JADE2: variants seen among roughly 807,000 people sequenced by gnomAD.
JADE2 encodes jade family PHD finger 2.
Under a neutral mutation model 85.7 loss-of-function variants are expected in JADE2, and 13 were observed. The observed-to-expected ratio is 0.15, with a 90% confidence interval of 0.10 to 0.24. JADE2 has a LOEUF of 0.24. Ranked by LOEUF, JADE2 falls within the 10% of genes least tolerant of loss-of-function variation. JADE2 has a pLI of 1.00. For missense variants in JADE2, 846 were observed against 1,115.9 expected (o/e 0.76, Z 3.45); for synonymous variants, 440 against 456.1 (o/e 0.96, Z 0.45).
intron 9 of JADE2, among the ~76,000 whole-genome samples, chr5:134,573,330 A>AG (rs2150014539): frequency 6.6e-6 from 1 of 152,262 alleles, no homozygotes; most frequent in South Asian, 2.1e-4. Context: ...CTTACCAGGA[A>AG]GGTAAGACTC....
chr5:134,524,237 G>A (rs912193053), upstream of JADE2: 2 of 152,376 alleles, frequency 1.3e-5, no homozygotes, highest in African/African-American at 2.4e-5. Flanking sequence ...CAGGAGGCCA[G>A]TCCTTCTCCT....
chr5:134,567,895 C>G (rs1763747593), intron 9 of JADE2, among the ~76,000 whole-genome samples: 1 of 152,196 alleles, frequency 6.6e-6, no homozygotes, highest in South Asian at 2.1e-4. Context: ...GGACAGAGGG[C>G]AAGGCTACCT....
At chr5:134,548,570 T>C (rs1243731339) in intron 3 of JADE2, among the ~76,000 whole-genome samples, 1 of 152,208 alleles carries the variant, frequency 6.6e-6, no homozygotes, top group East Asian at 1.9e-4. Flanking sequence ...GAGCCCGTAG[T>C]GTCCAGTCTG....
At chr5:134,526,963 C>A (rs1386283167) in intron 1 of JADE2, among the ~76,000 whole-genome samples, 1 of 152,176 alleles carries the variant, frequency 6.6e-6, no homozygotes, top group Non-Finnish European at 1.5e-5. Flanking sequence ...CCAACTCTGC[C>A]GGTTCGCGTC....
intron 1 of JADE2, among the ~76,000 whole-genome samples, chr5:134,535,634 G>A (rs1317983078): frequency 2.0e-5 from 3 of 152,072 alleles, no homozygotes; most frequent in Admixed American, 2.0e-4. Context: ...TCAACCAAGG[G>A]CTCTGGGCTC....
intron 3 of JADE2, among the ~76,000 whole-genome samples, chr5:134,546,724 C>T (rs1184059209): frequency 2.0e-5 from 3 of 151,578 alleles, no homozygotes; most frequent in African/African-American, 7.3e-5. Flanking sequence ...GCCGAGATCA[C>T]ACCACTGCAC....
In JADE2 at chr5:134,541,734, C is replaced by A. The variant is rs1006189500; in HGVS notation, c.153+3651C>A. On this transcript the variant is annotated intron_variant, in intron 3 of 11. Transcript: ENST00000681547. The stretch of plus-strand genomic sequence containing the variant: ...GGGGTGGGGGACACAGTGAATCCAA[C>A]AGCTATGAAAGGGCTGGGGTTGGGT... Among the ~76,000 whole-genome samples the A allele has an allele frequency of 5.9e-5, 9 of 151,462 alleles. No individual in the cohort carries two copies. In the South Asian group the frequency reaches 1.9e-3, roughly 32 times the overall value.
rs1163893894 is a variant in JADE2 at position 134,557,228 on chromosome 5, AT to A, written c.312-2594del. 7.9e-4 allele frequency among the ~76,000 whole-genome samples: 109 copies of A among 138,238 alleles called. 1 individual carries two copies. The highest frequency in any genetic ancestry group is 2.3e-3 in the South Asian group (10 of 4,278). The allele number at this position is 138,238 out of a possible 152,430, so 90.7% of individuals were successfully genotyped here. A position where few individuals can be genotyped will look rare whatever the true frequency, so the allele number is the denominator to read the frequency against. ...TATGATGATGATGATGATGATTATT[AT>A]TTTTTTTGTTGTTGTTGTTTTCAAG... On this transcript the variant is annotated intron_variant, in intron 4 of 11. Transcript: ENST00000681547.
intron 2 of JADE2, 91 bp downstream of exon 2, chr5:134,536,006 C>G (rs569707127): frequency 9.7e-7 from 1 of 1,032,996 alleles, no homozygotes; most frequent in South Asian, 1.3e-5. Context: ...GCCCTGTGGT[C>G]TTAATTTCAC....
chr5:134,533,652 T>C, intron 1 of JADE2: 1 of 863,236 alleles, frequency 1.2e-6, no homozygotes, highest in Non-Finnish European at 1.4e-6. Flanking sequence ...AAAGCTGGGT[T>C]GCGCTGGGCT....
intron 5 of JADE2, 142 bp downstream of exon 5, chr5:134,560,132 G>A (rs1345548706): frequency 8.7e-6 from 8 of 924,768 alleles, no homozygotes; most frequent in African/African-American, 6.7e-5. Context: ...ACTGAATGGG[G>A]ACCTCACTGG....
chr5:134,567,141 A>T (rs1581467909), intron 9 of JADE2, among the ~76,000 whole-genome samples: 2 of 152,232 alleles, frequency 1.3e-5, no homozygotes, highest in Non-Finnish European at 2.9e-5. Flanking sequence ...GAACAGAGGC[A>T]CGAAGGAGAC....
Position 134,553,672 on chromosome 5 carries a change from C to G in JADE2, c.311+1463C>G, listed in dbSNP as rs888063643. Among the ~76,000 whole-genome samples, 5 of 152,322 alleles carry G rather than the reference C, an allele frequency of 3.3e-5. No homozygotes were observed. The South Asian group carries it at 1.0e-3, about 32-fold the overall frequency. On this transcript the variant is annotated intron_variant, in intron 4 of 11. Coordinates refer to ENST00000681547, the MANE Select transcript of JADE2 (RefSeq NM_001388185.1). ...CGGCCGTAAGCCATGCTTTTGACAT[C>G]TTGAACCTTTTACGGGAGTTCTTAG...
rs774710388 is a variant in JADE2 at position 134,566,184 on chromosome 5, G to A, written c.1038G>A (p.Arg346=). 1 of 1,614,060 alleles carries A rather than the reference G, an allele frequency of 6.2e-7. No individual in the cohort carries two copies. The highest frequency in any genetic ancestry group is 8.5e-7 in the Non-Finnish European group (1 of 1,180,028). The change falls in exon 9 of 12, where the codon CGG becomes CGA. Residue 346 remains arginine (R), a synonymous_variant. Coordinates refer to ENST00000681547, the MANE Select transcript of JADE2 (RefSeq NM_001388185.1). The surrounding 1 kb of genome is among the most constrained non-coding windows in gnomAD (Gnocchi z 6.7). ...TCAFDHGLEM[R]TILADNDEVK... The stretch of plus-strand genomic sequence containing the variant: ...CCTTTGACCACGGCCTGGAAATGCG[G>A]ACTATATTAGCAGACAACGATGAGG...
At position 134,562,337 on chromosome 5, in the gene JADE2, G is replaced by C; in HGVS notation, c.822G>C (p.Val274=). ...CCACTAGAAGTGGGACCAAGTGGGT[G>C]CATGTCAGCTGTGCCCTATGGATTC... ...LKPTRSGTKW[V]HVSCALWIPE... Residue 274 remains valine, a synonymous_variant, in exon 7 of 12, where the codon GTG becomes GTC. Transcript: ENST00000681547. The surrounding 1 kb of genome is among the most constrained non-coding windows in gnomAD (Gnocchi z 4.6). The C allele has an allele frequency of 1.2e-6, 2 of 1,613,880 alleles. No homozygotes were observed. The highest frequency in any genetic ancestry group is 8.5e-7 in the Non-Finnish European group (1 of 1,179,806).
At chr5:134,571,844 C>G (rs1328044504) in intron 9 of JADE2, among the ~76,000 whole-genome samples, 1 of 152,380 alleles carries the variant, frequency 6.6e-6, no homozygotes, top group East Asian at 1.9e-4. Flanking sequence ...CTCCCCCAGC[C>G]TGGCCTGGCT....
intron 1 of JADE2, among the ~76,000 whole-genome samples, chr5:134,527,106 T>G (rs943424885): frequency 6.6e-6 from 1 of 152,116 alleles, no homozygotes; most frequent in Non-Finnish European, 1.5e-5. Context: ...TGAGTGACAT[T>G]GCAGCCCCCG....
Position 134,560,763 on chromosome 5 carries a change from G to A in JADE2, c.490G>A (p.Glu164Lys). Residue 164 changes from glutamate (E) to lysine (K), a missense_variant, in exon 6 of 12, where the codon GAG (glutamate) becomes AAG (lysine). Glu to Lys is a moderately conservative substitution (Grantham distance 56). Around this residue, in one of 9 missense-constraint regions of JADE2, gnomAD observed 129 missense variants for 255.4 expected, o/e 0.51. Transcript: ENST00000681547. ...CCTCACAGAGAGGCCGGAGCTGGACGAGCTGACATTAGAGCGTGTGCTGGA... is the reference window on the plus strand; with the variant it reads ...CCTCACAGAGAGGCCGGAGCTGGACAAGCTGACATTAGAGCGTGTGCTGGA... ...LKEMERPELD[E>K]LTLERVLEEL... 1.2e-6 allele frequency: 2 copies of A among 1,613,748 alleles called. No individual in the cohort carries two copies. The highest frequency in any genetic ancestry group is 8.5e-7 in the Non-Finnish European group (1 of 1,179,864).
At chr5:134,548,216 C>A (rs17167609) in intron 3 of JADE2, among the ~76,000 whole-genome samples, 18,503 of 152,154 alleles carry the variant, frequency 0.12, 1,432 homozygotes, top group East Asian at 0.21. Flanking sequence ...TTGCATATTT[C>A]AACCCTTGGA....
Sources: allele counts gnomAD v4.1 joint callset (sites outside exome capture counted in the v4.1 genomes callset), GRCh38; gene constraint gnomAD v4.1.1; regional missense constraint gnomAD v4.1.1; non-coding constraint Gnocchi (gnomAD v3.1); transcripts MANE v1.5; gene names NCBI Gene and HGNC (gene_info 2026-07-23, HGNC 2026-07-21).